TRIM2: variants seen among roughly 807,000 people sequenced by gnomAD.
TRIM2 encodes the protein tripartite motif containing 2.
Under a neutral mutation model 75.2 loss-of-function variants are expected in TRIM2, and 20 were observed. That is an observed-to-expected ratio of 0.27 (90% CI 0.19 to 0.39). The LOEUF (loss-of-function observed/expected upper bound fraction) is 0.39, where lower values mean the gene tolerates loss of function less well. Among genes scored for constraint, TRIM2 ranks in the 10% least tolerant of loss-of-function variants. The pLI is 1.00. For missense variants in TRIM2, 660 were observed against 990.8 expected, an observed-to-expected ratio of 0.67 and a Z score of 4.48; for synonymous variants, 373 against 388.3, an observed-to-expected ratio of 0.96 and a Z score of 0.46.
At chr4:153,165,955 T>G (rs1730257031) in intron 1 of TRIM2, among the ~76,000 whole-genome samples, 1 of 152,212 alleles carries the variant, frequency 6.6e-6, no homozygotes, top group Non-Finnish European at 1.5e-5. Context: ...TTATCTTTGC[T>G]AATCTTCTTC....
Position 153,230,183 on chromosome 4 carries a change from A to AT in TRIM2, c.30+25636dup, listed in dbSNP as rs572520121. Among the ~76,000 whole-genome samples, 930 of 144,892 alleles carry AT rather than the reference A, an allele frequency of 6.4e-3. 9 individuals carry two copies. Among genetic ancestry groups the AT allele is most frequent in the African/African-American group, 0.02 (783 of 39,694 alleles). The stretch of plus-strand genomic sequence containing the variant: ...CCTCAATACGTTTGCCATCCACACT[A>AT]TTTTTTTTTTTTTAAGAGACAAGGT... On this transcript the variant is annotated intron_variant, in intron 1 of 11. Coordinates refer to ENST00000338700, the MANE Select transcript of TRIM2 (RefSeq NM_015271.5).
intron 1 of TRIM2, among the ~76,000 whole-genome samples, chr4:153,198,718 C>G (rs1230893166): frequency 6.6e-6 from 1 of 152,046 alleles, no homozygotes; most frequent in African/African-American, 2.4e-5. Flanking sequence ...TTAATGTTTT[C>G]CCCTGGTAAA....
At chr4:153,272,743 T>A (rs967182391) in intron 2 of TRIM2, among the ~76,000 whole-genome samples, 4 of 152,160 alleles carry the variant, frequency 2.6e-5, no homozygotes, top group Admixed American at 2.6e-4. Context: ...AGTGTTGGGC[T>A]TACAGGCGTG....
At chr4:153,313,933 G>A (rs116370482) in intron 6 of TRIM2, among the ~76,000 whole-genome samples, 2,490 of 152,094 alleles carry the variant, frequency 0.016, 65 homozygotes, top group African/African-American at 0.056. Context: ...CACTGTTCCC[G>A]GCCCAAATTG....
chr4:153,285,760 CGTGTGTGTGTGT>C (rs34272004), intron 3 of TRIM2, among the ~76,000 whole-genome samples: 3 of 150,262 alleles, frequency 2.0e-5, no homozygotes, highest in African/African-American at 4.9e-5. Flanking sequence ...AATGTGTGTG[CGTGTGTGTGTGT>C]GTGTGTGTAT....
chr4:153,193,040 G>A (rs1387429893), intron 1 of TRIM2, among the ~76,000 whole-genome samples: 1 of 151,386 alleles, frequency 6.6e-6, no homozygotes, highest in Non-Finnish European at 1.5e-5. Context: ...CTAGTAGAAT[G>A]TAACTTCTGT....
At chr4:153,219,290 G>A (rs556014161) in intron 1 of TRIM2, among the ~76,000 whole-genome samples, 3 of 152,130 alleles carry the variant, frequency 2.0e-5, no homozygotes, top group East Asian at 1.9e-4. Flanking sequence ...AGCCCGATCC[G>A]CCAGAAAAAA....
At chr4:153,313,655 CAG>C (rs1766874354) in intron 6 of TRIM2, among the ~76,000 whole-genome samples, 4 of 109,732 alleles carry the variant, frequency 3.6e-5, no homozygotes. Context: ...TTTTTTGAGA[CAG>C]AGTCTTGCTC....
At chr4:153,249,723 G>A (rs899088713) in intron 1 of TRIM2, among the ~76,000 whole-genome samples, 6 of 152,194 alleles carry the variant, frequency 3.9e-5, no homozygotes, top group Non-Finnish European at 8.8e-5. Context: ...CAAAACCACT[G>A]CATTAATTAA....
intron 1 of TRIM2, among the ~76,000 whole-genome samples, chr4:153,164,430 C>G (rs1372766338): frequency 6.6e-6 from 1 of 152,224 alleles, no homozygotes; most frequent in African/African-American, 2.4e-5. Flanking sequence ...TTTCAACATT[C>G]TTAGCCATTC....
Position 153,295,720 on chromosome 4 carries a change from C to G in TRIM2, c.1194C>G (p.Thr398=). The change falls in exon 6 of 12, where the codon ACC becomes ACG. Residue 398 remains threonine (T), a synonymous_variant. Transcript: ENST00000338700. This position sits in a 1 kb window ranked among gnomAD's most constrained non-coding sequence, Gnocchi z 7.2. The stretch of plus-strand genomic sequence containing the variant: ...CCTACCTCACCGCCGAACTGAGCAC[C>G]CCCGACGGGAGCGTGGCAGACGGGG... ...GNAYLTAELS[T]PDGSVADGEI... is the part of the protein sequence containing the mutation. 1.2e-6 allele frequency: 2 copies of G among 1,614,000 alleles called. No homozygotes were observed. Among genetic ancestry groups the G allele is most frequent in the Admixed American group, 1.7e-5 (1 of 60,018 alleles).
intron 1 of TRIM2, 109 bp from the exon 2 acceptor site, chr4:153,270,226 C>T (rs1040287437): frequency 2.2e-6 from 3 of 1,349,880 alleles, no homozygotes; most frequent in African/African-American, 2.9e-5. Flanking sequence ...CCACACCTGG[C>T]CGACTTCTAC....
chr4:153,222,783 C>G (rs948077953), intron 1 of TRIM2: 1 of 152,286 alleles, frequency 6.6e-6, no homozygotes. Flanking sequence ...ACTTGAGCCG[C>G]TCGCTCAGAA....
chr4:153,152,419 T>G (rs1381492930), upstream of TRIM2: 1 of 146,450 alleles, frequency 6.8e-6, no homozygotes. Flanking sequence ...TATATATATA[T>G]ATATATATAT....
At chr4:153,176,991 G>T (rs1731504757) in intron 1 of TRIM2, among the ~76,000 whole-genome samples, 1 of 152,216 alleles carries the variant, frequency 6.6e-6, no homozygotes, top group Non-Finnish European at 1.5e-5. Flanking sequence ...CAAGAGTGAG[G>T]TTTACTTCTC....
intron 1 of TRIM2, among the ~76,000 whole-genome samples, chr4:153,236,041 A>G (rs934116712): frequency 6.6e-6 from 1 of 152,006 alleles, no homozygotes; most frequent in Non-Finnish European, 1.5e-5. Context: ...CATGATTGTG[A>G]GAGAGTTCTC....
intron 1 of TRIM2, among the ~76,000 whole-genome samples, chr4:153,190,887 G>A (rs1444163295): frequency 6.6e-6 from 1 of 151,988 alleles, no homozygotes; most frequent in Non-Finnish European, 1.5e-5. Context: ...ACAAGTGGCC[G>A]CCATCATGCC....
At chr4:153,251,185 C>T (rs1276767150) in intron 1 of TRIM2, among the ~76,000 whole-genome samples, 1 of 152,218 alleles carries the variant, frequency 6.6e-6, no homozygotes, top group East Asian at 1.9e-4. Flanking sequence ...TCCTTAAAAC[C>T]TCCCCCACAG....
In TRIM2 at chr4:153,338,887, G is replaced by C; in HGVS notation, c.*3921G>C. The stretch of plus-strand genomic sequence containing the variant: ...TCTGTCATCAATGGAGTGTATTCTT[G>C]TAATAGAATTCTTTATATCGTTCTC... On this transcript the variant is annotated 3_prime_UTR_variant, in exon 12 of 12. Transcript: ENST00000338700. 1.0e-6 allele frequency: 1 copy of C among 984,676 alleles called. No homozygotes were observed. Among genetic ancestry groups the C allele is most frequent in the Non-Finnish European group, 1.2e-6 (1 of 829,736 alleles). 61.0% of individuals were successfully genotyped at this position (984,676 alleles called of 1,614,324 possible).
Sources: allele counts gnomAD v4.1 joint callset (sites outside exome capture counted in the v4.1 genomes callset), GRCh38; gene constraint gnomAD v4.1.1; non-coding constraint Gnocchi (gnomAD v3.1); transcripts MANE v1.5; gene names NCBI Gene and HGNC (gene_info 2026-07-23, HGNC 2026-07-21).